GPC5: variants seen among roughly 807,000 people sequenced by gnomAD.
GPC5 encodes glypican-5.
Under a neutral mutation model 53.9 loss-of-function variants are expected in GPC5, and 47 were observed. The observed-to-expected ratio is 0.87, with a 90% confidence interval of 0.69 to 1.11. GPC5 has a LOEUF of 1.11. Among genes scored for constraint, GPC5 ranks in the 50% most tolerant of loss-of-function variants. The pLI is 0.00. For missense variants in GPC5, 748 were observed against 713.1 expected, an observed-to-expected ratio of 1.05 and a Z score of -0.56; for synonymous variants, 286 against 263.3, an observed-to-expected ratio of 1.09 and a Z score of -0.84.
chr13:92,343,834 A>C (rs924791403), intron 7 of GPC5, among the ~76,000 whole-genome samples: 4 of 152,130 alleles, frequency 2.6e-5, no homozygotes, highest in Non-Finnish European at 5.9e-5. Context: ...AATTAATTTG[A>C]AACATTTGAT....
In GPC5 at chr13:91,816,475, C is replaced by G. The variant is rs141611131; in HGVS notation, c.1280+60055C>G. On this transcript the variant is annotated intron_variant, in intron 5 of 7. Coordinates refer to ENST00000377067, the MANE Select transcript of GPC5 (RefSeq NM_004466.6). ...CCTCATTGCTGGTTCCTATTTTTAT[C>G]TAGTTTAAGAAAGGACGAATTCACC... 8.0e-3 allele frequency among the ~76,000 whole-genome samples: 1,221 copies of G among 152,164 alleles called. 17 individuals carry two copies. Among genetic ancestry groups the G allele is most frequent in the African/African-American group, 0.028 (1,164 of 41,502 alleles).
intron 7 of GPC5, among the ~76,000 whole-genome samples, chr13:92,443,939 A>T (rs147347039): frequency 2.1e-4 from 32 of 152,294 alleles, no homozygotes; most frequent in African/African-American, 6.7e-4. Flanking sequence ...GAGAAACCAC[A>T]CATGTGTGGA....
At position 92,840,078 on chromosome 13, in the gene GPC5, C is replaced by CATATATATATATAT. The variant is rs4001881; in HGVS notation, c.1562-26171_1562-26158dup. ...TGCTTTTATTCTTCATATATACATACATATATATATATATATATATATATA... is the reference window on the plus strand; with the variant it reads ...TGCTTTTATTCTTCATATATACATACATATATATATATATATATATATATATATATATATATATA... On this transcript the variant is annotated intron_variant, in intron 7 of 7. Coordinates refer to ENST00000377067, the MANE Select transcript of GPC5 (RefSeq NM_004466.6). Among the ~76,000 whole-genome samples, 41 of 98,990 alleles carry CATATATATATATAT rather than the reference C, an allele frequency of 4.1e-4. 1 individual carries two copies. The highest frequency in any genetic ancestry group is 6.2e-4 in the Non-Finnish European group (30 of 48,720). 64.9% of individuals were successfully genotyped at this position (98,990 alleles called of 152,430 possible). A position where few individuals can be genotyped will look rare whatever the true frequency, so the allele number is the denominator to read the frequency against.
At chr13:92,450,387 C>T (rs149314556) in intron 7 of GPC5, among the ~76,000 whole-genome samples, 33 of 152,234 alleles carry the variant, frequency 2.2e-4, no homozygotes, top group African/African-American at 7.9e-4. Context: ...TCATACATAA[C>T]TTATACCCAT....
rs537656560 is a variant in GPC5 at position 92,302,480 on chromosome 13, A to T, written c.1561+157491A>T. Reference sequence around the variant, plus strand: ...GAATGTAGCAGACCGAGAATAAAAAAAATTGCTTTTTAAACTGGGTACTGC... The same window carrying T: ...GAATGTAGCAGACCGAGAATAAAAATAATTGCTTTTTAAACTGGGTACTGC... On this transcript the variant is annotated intron_variant, in intron 7 of 7. Transcript: ENST00000377067. Among the ~76,000 whole-genome samples, 4 of 152,328 alleles carry T rather than the reference A, an allele frequency of 2.6e-5. No individual in the cohort carries two copies. In the South Asian group the frequency reaches 8.3e-4, roughly 32 times the overall value.
intron 5 of GPC5, among the ~76,000 whole-genome samples, chr13:91,781,925 T>G (rs1241081208): frequency 6.6e-6 from 1 of 152,226 alleles, no homozygotes; most frequent in East Asian, 1.9e-4. Context: ...TTTATTATAC[T>G]CTGAGCTAGT....
chr13:91,767,177 T>C (rs2037541960), intron 5 of GPC5, among the ~76,000 whole-genome samples: 1 of 152,160 alleles, frequency 6.6e-6, no homozygotes, highest in Non-Finnish European at 1.5e-5. Context: ...AAATTAGTAT[T>C]AGGGATTTGG....
chr13:92,149,522 A>C (rs535463258), intron 7 of GPC5, among the ~76,000 whole-genome samples: 2 of 152,122 alleles, frequency 1.3e-5, no homozygotes, highest in African/African-American at 4.8e-5. Context: ...GTTTTCTCAC[A>C]TGGTAACTTT....
chr13:91,556,836 G>T (rs1466871899), intron 2 of GPC5, among the ~76,000 whole-genome samples: 1 of 151,858 alleles, frequency 6.6e-6, no homozygotes, highest in Non-Finnish European at 1.5e-5. Flanking sequence ...TGTGAGGGGG[G>T]TGAGAGATAA....
intron 2 of GPC5, among the ~76,000 whole-genome samples, chr13:91,692,480 A>G (rs907860067): frequency 2.0e-5 from 3 of 152,218 alleles, no homozygotes; most frequent in Admixed American, 2.0e-4. Flanking sequence ...TTATAAAAAT[A>G]TAGCAGGTGG....
At chr13:92,162,074 A>T (rs1254709173) in intron 7 of GPC5, among the ~76,000 whole-genome samples, 1 of 140,000 alleles carries the variant, frequency 7.1e-6, no homozygotes, top group Non-Finnish European at 1.5e-5. Context: ...TGTCATAATT[A>T]TTGTTCCATA....
At chr13:92,728,738 T>A (rs1594459885) in intron 7 of GPC5, among the ~76,000 whole-genome samples, 1 of 151,564 alleles carries the variant, frequency 6.6e-6, no homozygotes, top group East Asian at 1.9e-4. Context: ...ACTTTGACAT[T>A]TCTGTATGAA....
chr13:92,600,589 C>T (rs1348586786), intron 7 of GPC5, among the ~76,000 whole-genome samples: 1 of 151,936 alleles, frequency 6.6e-6, no homozygotes, highest in Non-Finnish European at 1.5e-5. Context: ...CCACCGTCTC[C>T]CAGGTTCAAG....
At chr13:92,525,437 A>AGTGTGTGTGT (rs34946580) in intron 7 of GPC5, among the ~76,000 whole-genome samples, 15,116 of 136,344 alleles carry the variant, frequency 0.11, 1,012 homozygotes, top group East Asian at 0.26. Context: ...GATAGATTCA[A>AGTGTGTGTGT]GTGTGTGTGT....
Position 92,589,609 on chromosome 13 carries a change from A to G in GPC5, c.1562-276673A>G, listed in dbSNP as rs1357691688. On this transcript the variant is annotated intron_variant, in intron 7 of 7. Coordinates refer to ENST00000377067, the MANE Select transcript of GPC5 (RefSeq NM_004466.6). The stretch of plus-strand genomic sequence containing the variant: ...GATTTTATGATCATGGCATTGTGTT[A>G]TTCTCCAACCCAAATAGTTACTTTT... Among the ~76,000 whole-genome samples, 4 of 152,190 alleles carry G rather than the reference A, an allele frequency of 2.6e-5. 1 individual carries two copies. The highest frequency in any genetic ancestry group is 7.2e-5 in the African/African-American group (3 of 41,464).
At chr13:92,279,007 G>A (rs926692779) in intron 7 of GPC5, among the ~76,000 whole-genome samples, 12 of 151,778 alleles carry the variant, frequency 7.9e-5, no homozygotes, top group African/African-American at 2.4e-4. Context: ...ACTATTAAGG[G>A]CCCCTTGTGA....
chr13:92,285,396 A>G (rs2042946826), intron 7 of GPC5, among the ~76,000 whole-genome samples: 1 of 152,212 alleles, frequency 6.6e-6, no homozygotes, highest in Non-Finnish European at 1.5e-5. Context: ...ACTACTTTAA[A>G]GTTCATATGG....
intron 7 of GPC5, among the ~76,000 whole-genome samples, chr13:92,773,978 TC>T (rs1875702906): frequency 6.6e-6 from 1 of 152,094 alleles, no homozygotes; most frequent in African/African-American, 2.4e-5. Context: ...GCAGGGGAAC[TC>T]CCATTTATAA....
chr13:92,230,447 C>T (rs1015607177), intron 7 of GPC5, among the ~76,000 whole-genome samples: 3 of 152,100 alleles, frequency 2.0e-5, no homozygotes, highest in South Asian at 4.1e-4. Context: ...AAATAATCAA[C>T]ACTGAAATAA....
Sources: gnomAD v4.1 joint callset for allele counts (sites outside exome capture counted in the v4.1 genomes callset) on GRCh38, gnomAD v4.1.1 for gene constraint, MANE v1.5 for transcripts, NCBI Gene and HGNC (gene_info 2026-07-23, HGNC 2026-07-21) for gene names.